PTPRD: variants seen among roughly 807,000 people sequenced by gnomAD.
PTPRD encodes receptor-type tyrosine-protein phosphatase delta.
Under a neutral mutation model 214.5 loss-of-function variants are expected in PTPRD, and 34 were observed. The ratio of observed to expected loss-of-function variants is 0.16; its 90% CI spans 0.12 to 0.21. The LOEUF (loss-of-function observed/expected upper bound fraction) is 0.21, where lower values mean the gene tolerates loss of function less well. Ranked by LOEUF, PTPRD falls within the 10% of genes least tolerant of loss-of-function variation. The pLI is 1.00. For synonymous variants in PTPRD, 1,128 were observed against 845.7 expected, an observed-to-expected ratio of 1.33 and a Z score of -5.79; for missense variants, 2,545 against 2,398.7, an observed-to-expected ratio of 1.06 and a Z score of -1.27.
intron 5 of PTPRD, among the ~76,000 whole-genome samples, chr9:9,865,038 G>A (rs922008181): frequency 1.7e-4 from 25 of 149,850 alleles, no homozygotes; most frequent in Admixed American, 6.6e-4. Flanking sequence ...ATTCTTATTT[G>A]AAGTGTGATG....
intron 5 of PTPRD, among the ~76,000 whole-genome samples, chr9:9,794,029 G>A (rs543643971): frequency 2.0e-5 from 3 of 151,986 alleles, no homozygotes; most frequent in East Asian, 1.9e-4. Context: ...TTTGTCCTAC[G>A]CGAGGCATTA....
chr9:9,464,174 T>C (rs1351954255), intron 8 of PTPRD, among the ~76,000 whole-genome samples: 1 of 152,194 alleles, frequency 6.6e-6, no homozygotes, highest in Non-Finnish European at 1.5e-5. Flanking sequence ...GATGATTTGC[T>C]TTCTCTCCAG....
At chr9:10,460,630 T>C (rs1413448362) in intron 2 of PTPRD, among the ~76,000 whole-genome samples, 1 of 152,082 alleles carries the variant, frequency 6.6e-6, no homozygotes, top group Non-Finnish European at 1.5e-5. Context: ...GAAAGGACAA[T>C]GTCTTCAATA....
chr9:10,363,226 A>G (rs1463758006), intron 2 of PTPRD, among the ~76,000 whole-genome samples: 2 of 152,216 alleles, frequency 1.3e-5, no homozygotes, highest in Non-Finnish European at 2.9e-5. Flanking sequence ...CTGAAGTTCC[A>G]CATTTTTAAG....
At chr9:8,498,821 T>C (rs185466840) in intron 25 of PTPRD, among the ~76,000 whole-genome samples, 207 of 152,268 alleles carry the variant, frequency 1.4e-3, no homozygotes, top group Middle Eastern at 3.4e-3. Context: ...GAAATCTTCA[T>C]CTTCCTTTCA....
chr9:10,570,245 T>C (rs1249780265), intron 2 of PTPRD, among the ~76,000 whole-genome samples: 2 of 152,162 alleles, frequency 1.3e-5, no homozygotes, highest in Non-Finnish European at 2.9e-5. Context: ...AGGATATCCA[T>C]CTTGTTTGAC....
intron 12 of PTPRD, among the ~76,000 whole-genome samples, chr9:8,671,338 A>G (rs775306667): frequency 3.9e-5 from 6 of 152,176 alleles, no homozygotes; most frequent in Non-Finnish European, 7.4e-5. Flanking sequence ...CATATAAATT[A>G]GTAAGTCTTG....
Position 9,913,899 on chromosome 9 carries a change from C to G in PTPRD, c.-368+24608G>C, listed in dbSNP as rs145845851. Among the ~76,000 whole-genome samples, 574 of 152,282 alleles carry G rather than the reference C, an allele frequency of 3.8e-3. 1 individual carries two copies. Among genetic ancestry groups the G allele is most frequent in the Non-Finnish European group, 7.0e-3 (476 of 68,012 alleles). On this transcript the variant is annotated intron_variant, in intron 5 of 45. Coordinates refer to ENST00000381196, the MANE Select transcript of PTPRD (RefSeq NM_002839.4). ...TGCCATCTCAAGATCAGAGCCACCT[C>G]TGGAATATGCATTGTTCTGGGGGCC...
intron 3 of PTPRD, among the ~76,000 whole-genome samples, chr9:10,108,285 T>C (rs570098702): frequency 5.3e-5 from 8 of 152,300 alleles, no homozygotes; most frequent in African/African-American, 1.7e-4. Context: ...AATTAACATA[T>C]ACGTAACTTC....
At chr9:9,956,522 T>G (rs759958878) in intron 4 of PTPRD, among the ~76,000 whole-genome samples, 1 of 152,188 alleles carries the variant, frequency 6.6e-6, no homozygotes, top group Non-Finnish European at 1.5e-5. Flanking sequence ...AAACCCATAA[T>G]ATTAAAAATA....
At chr9:9,678,529 C>A (rs1007388388) in intron 7 of PTPRD, among the ~76,000 whole-genome samples, 2 of 151,764 alleles carry the variant, frequency 1.3e-5, no homozygotes, top group South Asian at 2.1e-4. Flanking sequence ...ATAAAAAATC[C>A]TTCGTATTTT....
At chr9:10,436,634 A>G (rs1410283617) in intron 2 of PTPRD, among the ~76,000 whole-genome samples, 1 of 151,732 alleles carries the variant, frequency 6.6e-6, no homozygotes, top group Non-Finnish European at 1.5e-5. Flanking sequence ...TATGTATATA[A>G]TGCATAAACT....
intron 6 of PTPRD, among the ~76,000 whole-genome samples, chr9:9,747,472 T>C (rs2098469342): frequency 1.3e-5 from 2 of 151,888 alleles, no homozygotes; most frequent in Non-Finnish European, 2.9e-5. Flanking sequence ...GAAAATTAAA[T>C]TGCTTTGAAT....
intron 14 of PTPRD, among the ~76,000 whole-genome samples, chr9:8,551,930 T>C (rs894361716): frequency 2.0e-5 from 3 of 152,142 alleles, no homozygotes; most frequent in African/African-American, 7.2e-5. Context: ...ACTAAGCAAA[T>C]AAGTGTAGAT....
chr9:8,456,080 G>C (rs1213280893), intron 33 of PTPRD, among the ~76,000 whole-genome samples: 1 of 152,132 alleles, frequency 6.6e-6, no homozygotes, highest in Non-Finnish European at 1.5e-5. Context: ...CATGTAGAAG[G>C]AATTGAGTTT....
At chr9:10,535,690 A>G (rs1379358011) in intron 2 of PTPRD, among the ~76,000 whole-genome samples, 1 of 152,114 alleles carries the variant, frequency 6.6e-6, no homozygotes, top group Non-Finnish European at 1.5e-5. Context: ...AATATATTTG[A>G]CTTTACTCAT....
At chr9:10,244,305 C>A (rs1053132792) in intron 3 of PTPRD, among the ~76,000 whole-genome samples, 8 of 152,040 alleles carry the variant, frequency 5.3e-5, no homozygotes, top group African/African-American at 1.9e-4. Flanking sequence ...TGTAATCTCC[C>A]CAAAAGCAGA....
intron 2 of PTPRD, among the ~76,000 whole-genome samples, chr9:10,515,596 T>A (rs982344975): frequency 2.6e-5 from 4 of 151,970 alleles, no homozygotes; most frequent in African/African-American, 9.7e-5. Context: ...GTAGTAAGAA[T>A]ACTTAATATA....
chr9:9,513,425 T>A (rs1324275388), intron 8 of PTPRD, among the ~76,000 whole-genome samples: 2 of 151,996 alleles, frequency 1.3e-5, no homozygotes, highest in African/African-American at 4.8e-5. Flanking sequence ...TTTTTACTCA[T>A]GTGTATTTAA....
Sources: allele counts gnomAD v4.1 joint callset (sites outside exome capture counted in the v4.1 genomes callset), GRCh38; gene constraint gnomAD v4.1.1; transcripts MANE v1.5; gene names NCBI Gene and HGNC (gene_info 2026-07-23, HGNC 2026-07-21).